The following SVEP1 variants were observed in gnomAD, a reference collection of about 807,000 sequenced individuals.
SVEP1 encodes the protein sushi, von Willebrand factor type A, EGF and pentraxin domain containing 1, also known as sushi, von Willebrand factor type A, EGF and pentraxin domain-containing protein 1.
Under a neutral mutation model 367.3 loss-of-function variants are expected in SVEP1, and 164 were observed. The ratio of observed to expected loss-of-function variants is 0.45; its 90% CI spans 0.39 to 0.51. The LOEUF is 0.51. SVEP1 is among the 20% of genes least tolerant of loss of function. The pLI, the probability that SVEP1 is intolerant of heterozygous loss-of-function variation, is 0.00. For synonymous variants in SVEP1, 1,666 were observed against 1,611.6 expected, an observed-to-expected ratio of 1.03 and a Z score of -0.81; for missense variants, 4,117 against 4,425.3, an observed-to-expected ratio of 0.93 and a Z score of 1.98.
At chr9:110,471,699 T>A in intron 15 of SVEP1, 102 bp from the exon 16 acceptor site, 2 of 799,240 alleles carry the variant, frequency 2.5e-6, no homozygotes, top group Non-Finnish European at 3.9e-6. Context: ...AATCTTTTAG[T>A]ACTAATAAGT....
intron 36 of SVEP1, among the ~76,000 whole-genome samples, chr9:110,423,156 A>T (rs1237431524): frequency 7.4e-6 from 1 of 135,502 alleles, no homozygotes; most frequent in Non-Finnish European, 1.5e-5. Flanking sequence ...ATAAAAAAAT[A>T]AAAAAATAAA....
Position 110,434,386 on chromosome 9 carries a change from T to G in SVEP1, c.5009A>C (p.Gln1670Pro). Residue 1670 changes from glutamine (Q) to proline (P), a missense_variant, in exon 30 of 48, where the codon CAG becomes CCG. Gln to Pro is a moderately conservative substitution (Grantham distance 76). Coordinates refer to ENST00000374469, the MANE Select transcript of SVEP1 (RefSeq NM_153366.4). ...CCACTGTCCTTGATTCAGACAGTAC[T>G]GCACAGGGTTCCCGACCAGCTGGAA... The part of the protein sequence containing the change: ...PGFQLVGNPV[Q>P]YCLNQGQWTQ... 6.2e-7 allele frequency: 1 copy of G among 1,613,372 alleles called. No individual in the cohort carries two copies. Among genetic ancestry groups the G allele is most frequent in the Non-Finnish European group, 8.5e-7 (1 of 1,179,664 alleles).
In SVEP1 at chr9:110,503,117, T is replaced by G. The variant is rs780413121; in HGVS notation, c.1404A>C (p.Glu468Asp). The G allele has an allele frequency of 1.2e-6, 2 of 1,612,564 alleles. No homozygotes were observed. The highest frequency in any genetic ancestry group is 1.7e-5 in the Admixed American group (1 of 59,910). The change falls in exon 6 of 48, where the codon GAA (glutamate) becomes GAC (aspartate). Residue 468 changes from glutamate to aspartate, a missense_variant. Physicochemically the swap from Glu to Asp is conservative, Grantham distance 45. Transcript: ENST00000374469. ...TATCACTGCCTTCTAGTCTGTACCC[T>G]TCATCACAGGCAACCAAACATGTTG... ...YKTTCLVACD[E>D]GYRLEGSDKL...
intron 24 of SVEP1, among the ~76,000 whole-genome samples, chr9:110,448,162 T>TGTGC (rs386415857): frequency 2.3e-5 from 1 of 43,204 alleles, no homozygotes; most frequent in Non-Finnish European, 4.4e-5. Context: ...CGTGTGTGTG[T>TGTGC]GCGCGCGCTC....
intron 1 of SVEP1, among the ~76,000 whole-genome samples, chr9:110,559,311 T>C (rs1407713670): frequency 6.6e-6 from 1 of 152,028 alleles, no homozygotes; most frequent in African/African-American, 2.4e-5. Flanking sequence ...TGTATTATGC[T>C]TATCAAATAT....
intron 21 of SVEP1, among the ~76,000 whole-genome samples, chr9:110,455,968 A>G (rs1564147878): frequency 6.6e-6 from 1 of 152,242 alleles, no homozygotes; most frequent in Non-Finnish European, 1.5e-5. Flanking sequence ...ACTTGGAAGC[A>G]TAAAATGGAG....
In SVEP1 at chr9:110,451,760, ATTACAG is replaced by A. The variant is rs1828697268; in HGVS notation, c.3788-364_3788-359del. Reference sequence around the variant, plus strand: ...AGAGTTAAGTGGTAACAGTTACAGCATTACAGTTACAAAGTTGGCAAAAATTATGGG... The same window carrying A: ...AGAGTTAAGTGGTAACAGTTACAGCATTACAAAGTTGGCAAAAATTATGGG... On this transcript the variant is annotated intron_variant, in intron 22 of 47. Coordinates refer to ENST00000374469, the MANE Select transcript of SVEP1 (RefSeq NM_153366.4). 4.6e-5 allele frequency among the ~76,000 whole-genome samples: 7 copies of A among 152,306 alleles called. No homozygotes were observed. In the South Asian group the frequency reaches 1.2e-3, roughly 27 times the overall value.
intron 40 of SVEP1, among the ~76,000 whole-genome samples, chr9:110,393,955 C>T (rs560501410): frequency 1.1e-4 from 16 of 152,310 alleles, no homozygotes; most frequent in Admixed American, 1.3e-4. Context: ...AACAAAAAGA[C>T]GGCAGTAACT....
intron 31 of SVEP1, 22 bp from the exon 32 acceptor site, chr9:110,432,056 A>C: frequency 6.3e-7 from 1 of 1,577,466 alleles, no homozygotes; most frequent in Non-Finnish European, 8.6e-7. Context: ...ACAGCTTATA[A>C]ATATTAAAGT....
intron 19 of SVEP1, 138 bp from the exon 20 acceptor site, chr9:110,458,700 A>G (rs772832612): frequency 5.5e-5 from 53 of 967,320 alleles, no homozygotes; most frequent in Non-Finnish European, 7.5e-5. Context: ...TTTAAAAAAG[A>G]AAACAGAGAT....
rs1039812898 is a variant in SVEP1, at chr9:110,469,069, C to T, written c.3031G>A (p.Glu1011Lys). Reference protein sequence around the residue: ...NCPLGTYYNLEHFTCESCRIG... With the variant: ...NCPLGTYYNLKHFTCESCRIG... ...CGGCAGCTTTCACAGGTGAAATGTT[C>T]CAGATTATAATAGGTTCCCAAAGGG... Residue 1011 changes from glutamate to lysine, a missense_variant, in exon 17 of 48, where the codon GAA (glutamate) becomes AAA (lysine). Transcript: ENST00000374469. 1 of 1,613,400 alleles carries T rather than the reference C, an allele frequency of 6.2e-7. No homozygotes were observed. The highest frequency in any genetic ancestry group is 1.7e-5 in the Admixed American group (1 of 59,946).
intron 3 of SVEP1, among the ~76,000 whole-genome samples, chr9:110,531,508 G>T (rs1321168171): frequency 1.3e-5 from 2 of 152,110 alleles, no homozygotes; most frequent in African/African-American, 2.4e-5. Flanking sequence ...CCCTGCATTT[G>T]CTCAGCACTT....
chr9:110,400,033 T>C (rs1056370259), intron 40 of SVEP1, among the ~76,000 whole-genome samples: 3 of 152,220 alleles, frequency 2.0e-5, no homozygotes, highest in East Asian at 1.9e-4. Flanking sequence ...GGGATTTTAA[T>C]ATTACAAAGC....
intron 3 of SVEP1, among the ~76,000 whole-genome samples, chr9:110,527,694 AT>A (rs960571710): frequency 3.3e-5 from 5 of 151,952 alleles, no homozygotes; most frequent in South Asian, 4.2e-4. Context: ...ATTTCATAAA[AT>A]TTTTTTTCAA....
At chr9:110,489,912 C>G (rs1423078764) in intron 8 of SVEP1, 133 bp from the exon 9 acceptor site, 5 of 1,114,544 alleles carry the variant, frequency 4.5e-6, no homozygotes, top group Non-Finnish European at 6.1e-6. Context: ...GCACAGCTTT[C>G]TGGCATATTT....
intron 2 of SVEP1, among the ~76,000 whole-genome samples, chr9:110,548,569 A>T (rs1830247187): frequency 6.6e-6 from 1 of 152,172 alleles, no homozygotes; most frequent in South Asian, 2.1e-4. Flanking sequence ...CAAACAAAAA[A>T]ACAGAAAACG....
intron 3 of SVEP1, among the ~76,000 whole-genome samples, chr9:110,517,278 T>C (rs1220596887): frequency 6.6e-6 from 1 of 151,800 alleles, no homozygotes; most frequent in Non-Finnish European, 1.5e-5. Flanking sequence ...CTGGGCAACA[T>C]AGCTACACCC....
At chr9:110,475,720 A>G (rs1564153495) in intron 14 of SVEP1, among the ~76,000 whole-genome samples, 1 of 152,082 alleles carries the variant, frequency 6.6e-6, no homozygotes. Flanking sequence ...CTTAATAAAA[A>G]TGTTCAGAGT....
chr9:110,573,147 C>T (rs1383619442), intron 1 of SVEP1, among the ~76,000 whole-genome samples: 1 of 151,794 alleles, frequency 6.6e-6, no homozygotes, highest in Non-Finnish European at 1.5e-5. Flanking sequence ...ACTGAGTCCA[C>T]TGCAGATTAC....
Sources: allele counts gnomAD v4.1 joint callset (sites outside exome capture counted in the v4.1 genomes callset), GRCh38; gene constraint gnomAD v4.1.1; transcripts MANE v1.5; gene names NCBI Gene and HGNC (gene_info 2026-07-23, HGNC 2026-07-21).